ANXA2: variants seen among roughly 807,000 people sequenced by gnomAD.
The protein encoded by ANXA2 is annexin A2, also known as annexin II.
Under a neutral mutation model 47.3 loss-of-function variants are expected in ANXA2, and 28 were observed. The ratio of observed to expected loss-of-function variants is 0.59; its 90% CI spans 0.44 to 0.81. The LOEUF is 0.81. Among genes scored for constraint, ANXA2 ranks in the 40% least tolerant of loss-of-function variants. The pLI, the probability that ANXA2 is intolerant of heterozygous loss-of-function variation, is 0.00. For synonymous variants in ANXA2, 172 were observed against 155.5 expected, an observed-to-expected ratio of 1.11 and a Z score of -0.79; for missense variants, 384 against 414.3, an observed-to-expected ratio of 0.93 and a Z score of 0.64.
rs940022620 is a variant in ANXA2, at chr15:60,352,917, G to C, written c.589-441C>G. 3.3e-5 allele frequency among the ~76,000 whole-genome samples: 5 copies of C among 152,136 alleles called. No individual in the cohort carries two copies. On this transcript the variant is annotated intron_variant, in intron 8 of 12. Transcript: ENST00000451270. This position sits in a 1 kb window ranked among gnomAD's most constrained non-coding sequence, Gnocchi z 4.2. ...CAGAGACTCAGGGAGTGATGGAGCT[G>C]GAAAAGGAGCCCATCTCATCTCACT...
intron 1 of ANXA2, among the ~76,000 whole-genome samples, chr15:60,387,603 G>A (rs899406053): frequency 2.0e-5 from 3 of 152,154 alleles, no homozygotes; most frequent in Non-Finnish European, 4.4e-5. Flanking sequence ...AAATTATGGG[G>A]ACAGCAAAAA....
At position 60,388,439 on chromosome 15, in the gene ANXA2, C is replaced by T. The variant is rs1162609398; in HGVS notation, c.-11-2353G>A. On this transcript the variant is annotated intron_variant, in intron 1 of 12. Coordinates refer to ENST00000451270, the MANE Select transcript of ANXA2 (RefSeq NM_004039.3). ...TGTTGCCCAGGCTGGTCTCGAACTCCTAGCCTCAAGTGATCCAAGCACTGA... is the reference window on the plus strand; with the variant it reads ...TGTTGCCCAGGCTGGTCTCGAACTCTTAGCCTCAAGTGATCCAAGCACTGA... Among the ~76,000 whole-genome samples, 3 of 151,806 alleles carry T rather than the reference C, an allele frequency of 2.0e-5. No homozygotes were observed. In the East Asian group the frequency reaches 5.8e-4, roughly 29 times the overall value.
intron 2 of ANXA2, chr15:60,383,659 G>C (rs190389525): frequency 1.0e-4 from 16 of 152,400 alleles, no homozygotes; most frequent in African/African-American, 3.6e-4. Context: ...GCTGATGGCT[G>C]GTGGAGGCAG....
chr15:60,382,456 T>C lies in ANXA2; in HGVS notation c.49-15A>G, dbSNP rs376828881. 17 of 1,546,104 alleles carry C rather than the reference T, an allele frequency of 1.1e-5. No homozygotes were observed. In the African/African-American group the frequency reaches 2.3e-4, roughly 21 times the overall value. ...GGTGTAGAGTGCTGAGGTTAAAAGA[T>C]AAACATACTCAAATGACACACATTT... On this transcript the variant is annotated splice_polypyrimidine_tract_variant and intron_variant, in intron 2 of 12. Coordinates refer to ENST00000451270, the MANE Select transcript of ANXA2 (RefSeq NM_004039.3).
At chr15:60,377,839 G>A (rs2062802186) in intron 3 of ANXA2, among the ~76,000 whole-genome samples, 1 of 152,022 alleles carries the variant, frequency 6.6e-6, no homozygotes, top group Non-Finnish European at 1.5e-5. Context: ...TGTAATCCCA[G>A]CACTTTCGGA....
At chr15:60,397,004 G>A (rs769755609) in intron 1 of ANXA2, among the ~76,000 whole-genome samples, 2 of 152,104 alleles carry the variant, frequency 1.3e-5, no homozygotes, top group South Asian at 4.1e-4. Context: ...AATAACTCTG[G>A]GTGGTGGTAA....
At chr15:60,356,589 T>C (rs2062433823) in intron 6 of ANXA2, among the ~76,000 whole-genome samples, 1 of 152,184 alleles carries the variant, frequency 6.6e-6, no homozygotes, top group Non-Finnish European at 1.5e-5. Flanking sequence ...TTATATATAA[T>C]ACATGTACCA....
At chr15:60,357,052 G>T in intron 6 of ANXA2, 94 bp downstream of exon 6, 2 of 1,119,056 alleles carry the variant, frequency 1.8e-6, no homozygotes, top group Non-Finnish European at 2.7e-6. Context: ...CATCACTAAT[G>T]CAGGCATCTT....
intron 3 of ANXA2, among the ~76,000 whole-genome samples, chr15:60,380,953 A>G (rs2062850305): frequency 6.6e-6 from 1 of 152,084 alleles, no homozygotes; most frequent in African/African-American, 2.4e-5. Context: ...TGATGCAAAT[A>G]AATCCTCACA....
Position 60,357,244 on chromosome 15 carries a change from C to T in ANXA2, c.358-8G>A, listed in dbSNP as rs1280420832. On this transcript the variant is annotated splice_region_variant and splice_polypyrimidine_tract_variant and intron_variant, in intron 5 of 12. Coordinates refer to ENST00000451270, the MANE Select transcript of ANXA2 (RefSeq NM_004039.3). ...CTCGTCGGTTCCCAGCCCCTGTGAA[C>T]CAGGAAGCACGAACATCAGCAGGGA... 6.2e-7 allele frequency: 1 copy of T among 1,613,006 alleles called. No individual in the cohort carries two copies. The highest frequency in any genetic ancestry group is 1.1e-5 in the South Asian group (1 of 91,048).
intron 4 of ANXA2, chr15:60,363,029 C>CCAAAAAAAAAA (rs2062539612): frequency 1.4e-5 from 1 of 74,034 alleles, no homozygotes; most frequent in Non-Finnish European, 2.4e-5. Context: ...GACCCTGTCA[C>CCAAAAAAAAAA]AAAAAAAAAA....
chr15:60,379,917 C>T (rs934058047), intron 3 of ANXA2, among the ~76,000 whole-genome samples: 7 of 152,152 alleles, frequency 4.6e-5, no homozygotes, highest in Admixed American at 6.5e-5. Context: ...AGTTCATTTG[C>T]GCAATCTTTA....
intron 3 of ANXA2, among the ~76,000 whole-genome samples, chr15:60,381,813 A>G (rs2062864025): frequency 1.3e-5 from 2 of 152,128 alleles, no homozygotes; most frequent in Non-Finnish European, 2.9e-5. Context: ...ACTTGGAACA[A>G]AAAATGCCCT....
intron 5 of ANXA2, among the ~76,000 whole-genome samples, chr15:60,360,684 A>G (rs562234962): frequency 2.1e-4 from 32 of 152,352 alleles, no homozygotes; most frequent in Non-Finnish European, 4.0e-4. Flanking sequence ...CCCAAATGGT[A>G]TTCCAATTGC....
chr15:60,347,439 C>G lies in ANXA2; in HGVS notation c.*191G>C, dbSNP rs576093157. 3.3e-6 allele frequency: 2 copies of G among 609,314 alleles called. No individual in the cohort carries two copies. The highest frequency in any genetic ancestry group is 3.7e-5 in the African/African-American group (2 of 54,136). The allele number at this position is 609,314 out of a possible 1,614,324, so 37.7% of individuals were successfully genotyped here. A position where few individuals can be genotyped will look rare whatever the true frequency, so the allele number is the denominator to read the frequency against. On this transcript the variant is annotated 3_prime_UTR_variant, in exon 13 of 13. Coordinates refer to ENST00000451270, the MANE Select transcript of ANXA2 (RefSeq NM_004039.3). ...TTCCAACTCCTTGGAATGTTCATTT[C>G]TTTGGCTTACAGGAGAGACTAGACA...
At chr15:60,393,644 T>C in intron 1 of ANXA2, 1 of 985,446 alleles carries the variant, frequency 1.0e-6, no homozygotes, top group Middle Eastern at 5.2e-4. Context: ...TTAGCTGACA[T>C]CTGAATGAGT....
chr15:60,387,197 C>T (rs1190469165), intron 1 of ANXA2: 1 of 152,148 alleles, frequency 6.6e-6, no homozygotes, highest in African/African-American at 2.4e-5. Flanking sequence ...GAGGATTCGC[C>T]TTTAGTTGTG....
chr15:60,364,630 TCC>T, intron 3 of ANXA2, 107 bp from the exon 4 acceptor site: 1 of 760,592 alleles, frequency 1.3e-6, no homozygotes, highest in Admixed American at 3.2e-5. Flanking sequence ...TATACTGTTT[TCC>T]AAACTGAAAT....
intron 3 of ANXA2, among the ~76,000 whole-genome samples, chr15:60,380,244 C>T (rs1320874880): frequency 3.9e-5 from 6 of 152,210 alleles, no homozygotes; most frequent in Middle Eastern, 3.4e-3. Context: ...ACAACAATCC[C>T]GTGAGGTGGG....
Sources: allele counts gnomAD v4.1 joint callset (sites outside exome capture counted in the v4.1 genomes callset), GRCh38; gene constraint gnomAD v4.1.1; non-coding constraint Gnocchi (gnomAD v3.1); transcripts MANE v1.5; gene names NCBI Gene and HGNC (gene_info 2026-07-23, HGNC 2026-07-21).